Variants in NFIX observed in about 807,000 individuals in gnomAD.
NFIX encodes the protein nuclear factor I X.
Under a neutral mutation model 53.3 loss-of-function variants are expected in NFIX, and 2 were observed. The observed-to-expected ratio is 0.04, with a 90% CI of 0.02 to 0.12. The LOEUF (loss-of-function observed/expected upper bound fraction) is 0.12, where lower values mean the gene tolerates loss of function less well. Ranked by LOEUF, NFIX falls within the 10% of genes least tolerant of loss-of-function variation. The probability of loss-of-function intolerance (pLI) is 1.00; values close to 1 mark genes in which losing one functional copy is unlikely to be tolerated. For missense variants in NFIX, 310 were observed against 674.5 expected (o/e 0.46, Z 5.99); for synonymous variants, 244 against 289.0 (o/e 0.84, Z 1.58).
rs979421854 is a variant in NFIX, at chr19:13,022,986, C to T, written c.28-2035C>T. Among the ~76,000 whole-genome samples the T allele has an allele frequency of 9.9e-5, 15 of 152,170 alleles. No homozygotes were observed. Among genetic ancestry groups the T allele is most frequent in the African/African-American group, 3.1e-4 (13 of 41,522 alleles). On this transcript the variant is annotated intron_variant, in intron 1 of 10. Transcript: ENST00000592199. This position sits in a 1 kb window ranked among gnomAD's most constrained non-coding sequence, Gnocchi z 4.5. ...GGGGGCTCTCCCCACCCTCCCTGCT[C>T]GCCCGGTTCCCTCCTCCCCTTGGAC...
chr19:13,055,981 G>A (rs999356791), intron 2 of NFIX, among the ~76,000 whole-genome samples: 1 of 152,244 alleles, frequency 6.6e-6, no homozygotes, highest in African/African-American at 2.4e-5. Context: ...CCCTGTGCGT[G>A]TGAGTGGTCT....
chr19:13,032,065 G>A (rs1164216358), intron 2 of NFIX, among the ~76,000 whole-genome samples: 2 of 151,848 alleles, frequency 1.3e-5, no homozygotes, highest in Non-Finnish European at 2.9e-5. Flanking sequence ...GGCCCCAGCC[G>A]TGTCAGCGCG....
intron 1 of NFIX, among the ~76,000 whole-genome samples, chr19:13,010,046 G>T (rs990697524): frequency 6.6e-6 from 1 of 152,182 alleles, no homozygotes; most frequent in Non-Finnish European, 1.5e-5. Flanking sequence ...GGGGCCCTCC[G>T]AGGTCCAGGG....
At position 13,028,258 on chromosome 19, in the gene NFIX, C is replaced by T. The variant is rs2013525990; in HGVS notation, c.559+2706C>T. On this transcript the variant is annotated intron_variant, in intron 2 of 10. Coordinates refer to ENST00000592199, the MANE Select transcript of NFIX (RefSeq NM_001365902.3). This position sits in a 1 kb window ranked among gnomAD's most constrained non-coding sequence, Gnocchi z 4.2. ...TGCTCCTTCCTTCCAGGATGATAAA[C>T]TGGGGACAGGGGCCGGGATGGCACA... Among the ~76,000 whole-genome samples the T allele has an allele frequency of 6.6e-6, 1 of 152,234 alleles. No individual in the cohort carries two copies. The highest frequency in any genetic ancestry group is 1.5e-5 in the Non-Finnish European group (1 of 68,042).
intron 1 of NFIX, among the ~76,000 whole-genome samples, chr19:12,999,923 G>A (rs1166082692): frequency 1.3e-5 from 2 of 152,246 alleles, no homozygotes; most frequent in African/African-American, 4.8e-5. Context: ...CTGCTGGGGT[G>A]GGAGGTGTGC....
At chr19:13,046,188 C>A (rs561173428) in intron 2 of NFIX, among the ~76,000 whole-genome samples, 3 of 152,146 alleles carry the variant, frequency 2.0e-5, no homozygotes, top group Non-Finnish European at 4.4e-5. Context: ...CTTTGACTCC[C>A]ACTACCAAGG....
At chr19:13,007,659 T>C (rs2012099428) in intron 1 of NFIX, among the ~76,000 whole-genome samples, 1 of 152,082 alleles carries the variant, frequency 6.6e-6, no homozygotes, top group Non-Finnish European at 1.5e-5. Flanking sequence ...GGTACTTGTG[T>C]CCCCAGATGG....
intron 2 of NFIX, among the ~76,000 whole-genome samples, chr19:13,033,862 C>T (rs1022783177): frequency 2.6e-5 from 4 of 152,200 alleles, no homozygotes; most frequent in African/African-American, 9.6e-5. Context: ...TGACCTGCAC[C>T]TTGAAAGACA....
chr19:13,047,263 T>G (rs2145298641), intron 2 of NFIX, among the ~76,000 whole-genome samples: 1 of 152,216 alleles, frequency 6.6e-6, no homozygotes, highest in East Asian at 1.9e-4. Flanking sequence ...GTAGGACGCC[T>G]TGTTGCTTTA....
At chr19:13,020,029 G>T (rs1259644905) in intron 1 of NFIX, among the ~76,000 whole-genome samples, 1 of 150,882 alleles carries the variant, frequency 6.6e-6, no homozygotes, top group Non-Finnish European at 1.5e-5. Context: ...ATGTCCCCTT[G>T]CTCTTTCCAT....
At chr19:13,054,417 A>C (rs149722997) in intron 2 of NFIX, among the ~76,000 whole-genome samples, 69 of 152,122 alleles carry the variant, frequency 4.5e-4, no homozygotes, top group Non-Finnish European at 8.8e-4. Flanking sequence ...CGAGCTCCCC[A>C]TTTCTGCACT....
intron 2 of NFIX, among the ~76,000 whole-genome samples, chr19:13,033,381 G>A (rs2013956966): frequency 6.6e-6 from 1 of 152,018 alleles, no homozygotes; most frequent in Non-Finnish European, 1.5e-5. Flanking sequence ...ATATTCTGGG[G>A]CTGCCCTTTA....
At position 13,054,026 on chromosome 19, in the gene NFIX, C is replaced by T. The variant is rs1249929892; in HGVS notation, c.560-19021C>T. On this transcript the variant is annotated intron_variant, in intron 2 of 10. Coordinates refer to ENST00000592199, the MANE Select transcript of NFIX (RefSeq NM_001365902.3). ...GCATTCTTTGCGTGTTTCCTGAGCA[C>T]GGATCCCAGCTTCGTGGTCAGCTCC... is the stretch of plus-strand genomic sequence containing the variant. Among the ~76,000 whole-genome samples the T allele has an allele frequency of 6.6e-5, 10 of 152,048 alleles. No individual in the cohort carries two copies. In the South Asian group the frequency reaches 1.0e-3, roughly 16 times the overall value.
chr19:13,039,479 C>T (rs1423509336), intron 2 of NFIX, among the ~76,000 whole-genome samples: 2 of 152,206 alleles, frequency 1.3e-5, no homozygotes, highest in African/African-American at 4.8e-5. Flanking sequence ...CCTGGTGAGC[C>T]TGAGCTCTGC....
chr19:13,034,918 A>G (rs781645305), intron 2 of NFIX, among the ~76,000 whole-genome samples: 2 of 152,162 alleles, frequency 1.3e-5, no homozygotes, highest in African/African-American at 4.8e-5. Context: ...GCATTTCCCA[A>G]CTGCGGAACT....
rs113381182 is a variant in NFIX at position 13,025,645 on chromosome 19, C to A, written c.559+93C>A. 2.4e-5 allele frequency: 34 copies of A among 1,426,810 alleles called. No homozygotes were observed. The highest frequency in any genetic ancestry group is 3.1e-5 in the Non-Finnish European group (33 of 1,053,752). The allele number at this position is 1,426,810 out of a possible 1,614,324, so 88.4% of individuals were successfully genotyped here. A position where few individuals can be genotyped will look rare whatever the true frequency, so the allele number is the denominator to read the frequency against. On this transcript the variant is annotated intron_variant, in intron 2 of 10. Transcript: ENST00000592199. This position sits in a 1 kb window ranked among gnomAD's most constrained non-coding sequence, Gnocchi z 7.5. ...TTCCTCTAATTTCCAAGCGATAACT[C>A]GCCATGGGCCTAACTGGTGTATGCC...
chr19:13,003,062 C>T lies in NFIX; in HGVS notation c.27+7198C>T, dbSNP rs536064156. 4.5e-4 allele frequency among the ~76,000 whole-genome samples: 68 copies of T among 152,178 alleles called. 1 individual carries two copies. The South Asian group carries it at 0.014, about 31-fold the overall frequency. On this transcript the variant is annotated intron_variant, in intron 1 of 10. Transcript: ENST00000592199. ...GGGTTCCAAATTATCCAGGTGGTTC[C>T]GTCCAAATATCGGCTTCGGTCGAAT...
intron 2 of NFIX, among the ~76,000 whole-genome samples, chr19:13,041,248 G>A (rs961697250): frequency 3.3e-5 from 5 of 152,146 alleles, no homozygotes; most frequent in African/African-American, 1.2e-4. Flanking sequence ...TATGATTTGG[G>A]GAGTGTGCCT....
In NFIX at chr19:13,060,749, A is replaced by G. The variant is rs537274433; in HGVS notation, c.560-12298A>G. Among the ~76,000 whole-genome samples the G allele has an allele frequency of 6.6e-6, 1 of 151,544 alleles. No homozygotes were observed. Among genetic ancestry groups the G allele is most frequent in the African/African-American group, 2.4e-5 (1 of 41,414 alleles). On this transcript the variant is annotated intron_variant, in intron 2 of 10. Transcript: ENST00000592199. This position sits in a 1 kb window ranked among gnomAD's most constrained non-coding sequence, Gnocchi z 4.3. The stretch of plus-strand genomic sequence containing the variant: ...CCCTGTGAAGCGATCTGCACTGCCC[A>G]GGGTCAGGGGGATGGGGGGGTCGGC...
Sources: allele counts gnomAD v4.1 joint callset (sites outside exome capture counted in the v4.1 genomes callset), GRCh38; gene constraint gnomAD v4.1.1; non-coding constraint Gnocchi (gnomAD v3.1); transcripts MANE v1.5; gene names NCBI Gene and HGNC (gene_info 2026-07-23, HGNC 2026-07-21).